RARB: variants seen among roughly 807,000 people sequenced by gnomAD.
The protein encoded by RARB is retinoic acid receptor beta.
In RARB, 17 loss-of-function variants were observed where a neutral mutation model predicts 51.9. The observed-to-expected ratio is 0.33, with a 90% confidence interval of 0.22 to 0.49. The LOEUF (loss-of-function observed/expected upper bound fraction) is 0.49. Ranked by LOEUF, RARB falls within the 20% of genes least tolerant of loss-of-function variation. RARB has a pLI of 0.99. For missense variants in RARB, 369 were observed against 550.8 expected, an observed-to-expected ratio of 0.67 and a Z score of 3.30; for synonymous variants, 215 against 195.4, an observed-to-expected ratio of 1.10 and a Z score of -0.84.
intron 5 of RARB, among the ~76,000 whole-genome samples, chr3:25,349,448 C>T (rs1197058984): frequency 1.3e-5 from 2 of 152,164 alleles, no homozygotes; most frequent in Non-Finnish European, 2.9e-5. Context: ...TCTAGTTCAA[C>T]TTCCTACTTA....
chr3:25,349,920 G>A (rs753730901), intron 5 of RARB, among the ~76,000 whole-genome samples: 5 of 151,954 alleles, frequency 3.3e-5, no homozygotes, highest in Admixed American at 6.6e-5. Context: ...ATTTCCAAAT[G>A]GGCTTCACTC....
At chr3:25,078,518 AG>A (rs1452585983) in intron 3 of RARB, among the ~76,000 whole-genome samples, 1 of 146,534 alleles carries the variant, frequency 6.8e-6, no homozygotes, top group Non-Finnish European at 1.5e-5. Flanking sequence ...AGATAGTGCA[AG>A]TCCTCCAACT....
At chr3:25,323,816 A>G (rs1168997066) in intron 5 of RARB, among the ~76,000 whole-genome samples, 3 of 152,218 alleles carry the variant, frequency 2.0e-5, no homozygotes, top group Non-Finnish European at 4.4e-5. Flanking sequence ...AACTAAATTT[A>G]TGACTTCAAA....
At chr3:24,949,332 C>T (rs112856884) in intron 2 of RARB, among the ~76,000 whole-genome samples, 17 of 152,248 alleles carry the variant, frequency 1.1e-4, no homozygotes, top group African/African-American at 3.9e-4. Flanking sequence ...TCCTCTGAGA[C>T]AGGAAAAAAT....
intron 5 of RARB, among the ~76,000 whole-genome samples, chr3:25,402,173 T>C (rs1375013664): frequency 6.6e-6 from 1 of 152,142 alleles, no homozygotes; most frequent in Admixed American, 6.5e-5. Flanking sequence ...CCAAAATTAG[T>C]GGGAGATATC....
intron 4 of RARB, among the ~76,000 whole-genome samples, chr3:25,573,061 C>G (rs1256744133): frequency 6.6e-6 from 1 of 152,078 alleles, no homozygotes; most frequent in East Asian, 1.9e-4. Context: ...AGAGATAAAC[C>G]CCCCCAGCTT....
chr3:25,165,417 A>G (rs1700544307), intron 4 of RARB, among the ~76,000 whole-genome samples: 1 of 152,156 alleles, frequency 6.6e-6, no homozygotes, highest in African/African-American at 2.4e-5. Flanking sequence ...AGACTCTGAT[A>G]GGATAGATGG....
intron 3 of RARB, among the ~76,000 whole-genome samples, chr3:25,543,144 G>A (rs1362792478): frequency 1.3e-5 from 2 of 152,130 alleles, no homozygotes; most frequent in Non-Finnish European, 2.9e-5. Context: ...AAGAATATTT[G>A]GCCGAAAATG....
chr3:24,974,423 A>G (rs1214916602), intron 2 of RARB, among the ~76,000 whole-genome samples: 3 of 152,116 alleles, frequency 2.0e-5, no homozygotes, highest in Non-Finnish European at 4.4e-5. Flanking sequence ...CTGGAGGATA[A>G]GAGTTTTGCA....
chr3:25,129,933 T>C (rs1313923804), intron 3 of RARB, among the ~76,000 whole-genome samples: 14 of 152,104 alleles, frequency 9.2e-5, no homozygotes, highest in Admixed American at 9.2e-4. Flanking sequence ...AGAAGCTCTC[T>C]TATATAGGCT....
intron 2 of RARB, among the ~76,000 whole-genome samples, chr3:24,917,502 A>G (rs900304613): frequency 6.6e-6 from 1 of 152,244 alleles, no homozygotes; most frequent in East Asian, 1.9e-4. Context: ...TAGTCACTTC[A>G]TCAAAGAATG....
intron 5 of RARB, among the ~76,000 whole-genome samples, chr3:25,203,942 G>T (rs1301242484): frequency 6.6e-6 from 1 of 152,116 alleles, no homozygotes; most frequent in South Asian, 2.1e-4. Context: ...TCTTTGGGGA[G>T]TTCTGTGTAT....
intron 5 of RARB, among the ~76,000 whole-genome samples, chr3:25,403,514 C>A (rs1354508964): frequency 6.6e-6 from 1 of 152,162 alleles, no homozygotes; most frequent in Non-Finnish European, 1.5e-5. Flanking sequence ...GAGAATGAAG[C>A]ACTAGTGTTA....
At chr3:24,849,482 G>A (rs555340290) in intron 1 of RARB, among the ~76,000 whole-genome samples, 1 of 152,316 alleles carries the variant, frequency 6.6e-6, no homozygotes, top group African/African-American at 2.4e-5. Flanking sequence ...ATAGGGTTAG[G>A]TTCCTGTGAG....
At position 25,349,012 on chromosome 3, in the gene RARB, G is replaced by A. The variant is rs146454209; in HGVS notation, c.179-112181G>A. Among the ~76,000 whole-genome samples the A allele has an allele frequency of 7.4e-3, 1,129 of 152,222 alleles. 12 individuals carry two copies. Among genetic ancestry groups the A allele is most frequent in the African/African-American group, 0.025 (1,055 of 41,530 alleles). On this transcript the variant is annotated intron_variant, in intron 5 of 11. Transcript: ENST00000383772. The stretch of plus-strand genomic sequence containing the variant: ...CTTTGGTATATATAATACAAATCTC[G>A]TTAGGATCAATGCCATCAAGAAGTA...
chr3:25,505,171 A>AT (rs766099631), intron 3 of RARB, among the ~76,000 whole-genome samples: 12 of 152,214 alleles, frequency 7.9e-5, no homozygotes, highest in Non-Finnish European at 1.6e-4. Context: ...AGGTCCCACC[A>AT]TTTTTTTGGC....
chr3:24,963,095 C>G (rs890462135), intron 2 of RARB, among the ~76,000 whole-genome samples: 1 of 152,160 alleles, frequency 6.6e-6, no homozygotes. Flanking sequence ...GACTTCTCTT[C>G]TAGATGCCTC....
chr3:25,566,835 TTC>T (rs1174686085), intron 3 of RARB, among the ~76,000 whole-genome samples: 8 of 152,210 alleles, frequency 5.3e-5, no homozygotes, highest in African/African-American at 1.9e-4. Flanking sequence ...GTTTTGTGGT[TTC>T]TCTTTCTGCA....
intron 4 of RARB, among the ~76,000 whole-genome samples, chr3:25,163,504 AATATATATAT>A (rs138389529): frequency 1.4e-4 from 19 of 131,094 alleles, no homozygotes; most frequent in African/African-American, 3.9e-4. Flanking sequence ...CCTATCTCAA[AATATATATAT>A]ATATATATAT....
Sources: gnomAD v4.1 joint callset for allele counts (sites outside exome capture counted in the v4.1 genomes callset) on GRCh38, gnomAD v4.1.1 for gene constraint, MANE v1.5 for transcripts, NCBI Gene and HGNC (gene_info 2026-07-23, HGNC 2026-07-21) for gene names.